Variants in TMEM245 observed in about 807,000 individuals in gnomAD.
The protein encoded by TMEM245 is protein CG-2.
A neutral mutation model predicts 101.2 loss-of-function variants in TMEM245; 69 were observed. The ratio of observed to expected loss-of-function variants is 0.68; its 90% CI spans 0.56 to 0.83. The LOEUF (loss-of-function observed/expected upper bound fraction) is 0.83. TMEM245 is among the 40% of genes least tolerant of loss of function. The pLI is 0.00. For missense variants in TMEM245, 1,075 were observed against 1,092.8 expected (o/e 0.98, Z 0.23); for synonymous variants, 537 against 449.8 (o/e 1.19, Z -2.45).
At chr9:109,057,588 TAAA>T (rs1828878050) in intron 11 of TMEM245, among the ~76,000 whole-genome samples, 1 of 151,956 alleles carries the variant, frequency 6.6e-6, no homozygotes, top group South Asian at 2.1e-4. Context: ...CCATCTCTAC[TAAA>T]AATACAAAAA....
chr9:109,118,817 G>C (rs1361993341), intron 1 of TMEM245, among the ~76,000 whole-genome samples: 2 of 152,214 alleles, frequency 1.3e-5, no homozygotes, highest in Admixed American at 1.3e-4. Flanking sequence ...CTTTGTTTTA[G>C]GACTTGTAAG....
intron 17 of TMEM245, among the ~76,000 whole-genome samples, chr9:109,027,793 C>T (rs981674167): frequency 6.6e-6 from 1 of 152,052 alleles, no homozygotes. Flanking sequence ...TCAAGTGATT[C>T]TCCTGCCTCA....
intron 17 of TMEM245, among the ~76,000 whole-genome samples, chr9:109,027,878 T>TAC (rs1317393708): frequency 6.6e-6 from 1 of 151,820 alleles, no homozygotes; most frequent in African/African-American, 2.4e-5. Context: ...GACAGTGTTT[T>TAC]ACCATGTTGG....
chr9:109,057,426 G>C (rs1201224233), intron 11 of TMEM245, 104 bp from the exon 12 acceptor site: 2 of 1,306,616 alleles, frequency 1.5e-6, no homozygotes, highest in Non-Finnish European at 2.1e-6. Flanking sequence ...ACTTCAGTAA[G>C]TACTCCAAGG....
At chr9:109,049,994 G>A (rs539524238) in intron 14 of TMEM245, among the ~76,000 whole-genome samples, 1 of 152,234 alleles carries the variant, frequency 6.6e-6, no homozygotes, top group African/African-American at 2.4e-5. Context: ...GTCTCACTAT[G>A]TTGTCCAGGC....
intron 1 of TMEM245, among the ~76,000 whole-genome samples, chr9:109,117,869 A>G (rs1410647411): frequency 1.3e-5 from 2 of 152,258 alleles, no homozygotes; most frequent in Non-Finnish European, 2.9e-5. Flanking sequence ...TATTTTTCTT[A>G]GAACATAGTG....
intron 14 of TMEM245, among the ~76,000 whole-genome samples, chr9:109,046,967 A>T (rs1390644904): frequency 1.3e-5 from 2 of 152,216 alleles, no homozygotes; most frequent in East Asian, 3.8e-4. Context: ...TAAGTCTTGA[A>T]TTTGAGCCAG....
At chr9:109,082,180 C>G (rs894897639) in intron 7 of TMEM245, among the ~76,000 whole-genome samples, 5 of 152,156 alleles carry the variant, frequency 3.3e-5, no homozygotes, top group South Asian at 2.1e-4. Context: ...TTGTGCCCCC[C>G]TTATCTGTTT....
chr9:109,116,368 A>C (rs1349796306), intron 1 of TMEM245, among the ~76,000 whole-genome samples: 1 of 152,106 alleles, frequency 6.6e-6, no homozygotes, highest in Non-Finnish European at 1.5e-5. Context: ...GCCAGGCCTT[A>C]ATCTGCACTT....
intron 17 of TMEM245, among the ~76,000 whole-genome samples, chr9:109,022,723 A>C (rs1457560104): frequency 6.6e-6 from 1 of 152,168 alleles, no homozygotes; most frequent in Non-Finnish European, 1.5e-5. Context: ...ACATTTGTCT[A>C]CAGGCCAAGC....
intron 1 of TMEM245, among the ~76,000 whole-genome samples, chr9:109,112,606 T>C (rs1201249843): frequency 6.6e-6 from 1 of 150,778 alleles, no homozygotes. Context: ...CACAGTACAA[T>C]GATAAATGAA....
chr9:109,084,310 G>T, intron 7 of TMEM245, among the ~76,000 whole-genome samples: 1 of 152,040 alleles, frequency 6.6e-6, no homozygotes, highest in Non-Finnish European at 1.5e-5. Flanking sequence ...TTCTTGGAAT[G>T]TACCCGCTCA....
intron 9 of TMEM245, among the ~76,000 whole-genome samples, chr9:109,066,803 C>G (rs1326339346): frequency 6.6e-6 from 1 of 151,908 alleles, no homozygotes; most frequent in African/African-American, 2.4e-5. Context: ...CGCCTGTAAT[C>G]CCAGCACTTT....
Position 109,052,069 on chromosome 9 carries a change from T to G in TMEM245, c.1855-1377A>C, listed in dbSNP as rs552846466. 7.9e-5 allele frequency among the ~76,000 whole-genome samples: 12 copies of G among 152,344 alleles called. 1 individual carries two copies. Among genetic ancestry groups the G allele is most frequent in the African/African-American group, 2.9e-4 (12 of 41,574 alleles). ...AAGGTTTCTCATAGATGTTAAATAT[T>G]AATAAAGGAGAGGTACAATATTTAT... On this transcript the variant is annotated intron_variant, in intron 12 of 17. Coordinates refer to ENST00000374586, the MANE Select transcript of TMEM245 (RefSeq NM_032012.4).
At chr9:109,052,930 C>G (rs1828729366) in intron 12 of TMEM245, among the ~76,000 whole-genome samples, 1 of 151,926 alleles carries the variant, frequency 6.6e-6, no homozygotes, top group Non-Finnish European at 1.5e-5. Context: ...AAAAAGTAAC[C>G]TTTCCTATTT....
At chr9:109,038,672 A>G (rs1288782938) in intron 14 of TMEM245, 2 of 152,236 alleles carry the variant, frequency 1.3e-5, no homozygotes, top group Non-Finnish European at 2.9e-5. Context: ...TACAAATGCT[A>G]TCAAAGAAAG....
chr9:109,021,241 T>C (rs1421355117), intron 17 of TMEM245, among the ~76,000 whole-genome samples: 1 of 152,190 alleles, frequency 6.6e-6, no homozygotes, highest in African/African-American at 2.4e-5. Context: ...TTTACATCTG[T>C]GCTGGCAGCC....
At chr9:109,095,055 C>T (rs2132588235) in intron 3 of TMEM245, among the ~76,000 whole-genome samples, 1 of 152,282 alleles carries the variant, frequency 6.6e-6, no homozygotes, top group East Asian at 1.9e-4. Context: ...ATACTCTGTC[C>T]CTCCTCTAAT....
chr9:109,021,527 T>C (rs960549162), intron 17 of TMEM245, among the ~76,000 whole-genome samples: 4 of 152,176 alleles, frequency 2.6e-5, no homozygotes, highest in African/African-American at 9.7e-5. Flanking sequence ...TTTTGTTTTG[T>C]TTTTTGAGAC....
Sources: gnomAD v4.1 joint callset for allele counts (sites outside exome capture counted in the v4.1 genomes callset) on GRCh38, gnomAD v4.1.1 for gene constraint, MANE v1.5 for transcripts, NCBI Gene and HGNC (gene_info 2026-07-23, HGNC 2026-07-21) for gene names.